The following TRIM44 variants were observed in gnomAD, a reference collection of about 807,000 sequenced individuals.
The protein encoded by TRIM44 is tripartite motif-containing protein 44.
A neutral mutation model predicts 37.4 loss-of-function variants in TRIM44; 13 were observed. The observed-to-expected ratio is 0.35, with a 90% CI of 0.23 to 0.55. The LOEUF is 0.55. Among genes scored for constraint, TRIM44 ranks in the 20% least tolerant of loss-of-function variants. The pLI is 0.89. For synonymous variants in TRIM44, 175 were observed against 157.2 expected (o/e 1.11, Z -0.85); for missense variants, 426 against 437.2 (o/e 0.97, Z 0.23).
intron 4 of TRIM44, among the ~76,000 whole-genome samples, chr11:35,757,200 G>C (rs1357800793): frequency 2.6e-5 from 4 of 152,202 alleles, no homozygotes; most frequent in African/African-American, 9.7e-5. Context: ...GGTCTATTCA[G>C]AGATTCAGCT....
intron 4 of TRIM44, among the ~76,000 whole-genome samples, chr11:35,797,939 A>G (rs1853314120): frequency 6.6e-6 from 1 of 152,246 alleles, no homozygotes; most frequent in Non-Finnish European, 1.5e-5. Flanking sequence ...CAGTCAATTT[A>G]AAAAGTTTAT....
intron 4 of TRIM44, among the ~76,000 whole-genome samples, chr11:35,755,423 G>A (rs1852623599): frequency 6.6e-6 from 1 of 152,080 alleles, no homozygotes; most frequent in Admixed American, 6.5e-5. Flanking sequence ...CAGATGAGTA[G>A]ATTGCAAAAA....
intron 2 of TRIM44, among the ~76,000 whole-genome samples, chr11:35,713,778 A>C (rs1245365667): frequency 6.6e-6 from 1 of 152,162 alleles, no homozygotes; most frequent in East Asian, 1.9e-4. Context: ...TCAGTCTACA[A>C]AGAAGAGAAA....
intron 2 of TRIM44, among the ~76,000 whole-genome samples, chr11:35,704,191 A>G (rs1042285770): frequency 3.9e-5 from 6 of 152,192 alleles, no homozygotes; most frequent in Non-Finnish European, 7.3e-5. Context: ...GAAATGAAGC[A>G]AGAAGGGAAG....
At chr11:35,751,185 A>C (rs1166632377) in intron 4 of TRIM44, among the ~76,000 whole-genome samples, 1 of 152,218 alleles carries the variant, frequency 6.6e-6, no homozygotes, top group Admixed American at 6.5e-5. Flanking sequence ...ATGCAGAACA[A>C]TTACATTTTT....
intron 4 of TRIM44, among the ~76,000 whole-genome samples, chr11:35,779,687 TC>T (rs1853033977): frequency 6.6e-6 from 1 of 152,182 alleles, no homozygotes; most frequent in African/African-American, 2.4e-5. Context: ...AAGACCGATG[TC>T]CAGGATGGTG....
chr11:35,701,789 A>G (rs1016939304), intron 2 of TRIM44, among the ~76,000 whole-genome samples: 3 of 152,120 alleles, frequency 2.0e-5, no homozygotes, highest in African/African-American at 7.2e-5. Context: ...CTTTTTTTGT[A>G]TTAACCCAAA....
At chr11:35,748,171 A>G (rs1358513315) in intron 4 of TRIM44, among the ~76,000 whole-genome samples, 1 of 151,978 alleles carries the variant, frequency 6.6e-6, no homozygotes, top group Non-Finnish European at 1.5e-5. Flanking sequence ...AAATTATACC[A>G]CTCACCCAGA....
Position 35,662,792 on chromosome 11 carries a change from C to G in TRIM44, c.-320C>G, listed in dbSNP as rs28362490. ...CGGGGGCCGGCGGCTGCCGCGATCT[C>G]TCCCTGGTAGCGGGAGGCTGAGCGG... On this transcript the variant is annotated 5_prime_UTR_variant, in exon 1 of 5. Coordinates refer to ENST00000299413, the MANE Select transcript of TRIM44 (RefSeq NM_017583.6). 3.1e-3 allele frequency: 719 copies of G among 232,334 alleles called. 22 individuals are homozygous for G. The East Asian group carries it at 0.059, about 19-fold the overall frequency. 14.4% of individuals were successfully genotyped at this position (232,334 alleles called of 1,614,324 possible). A position where few individuals can be genotyped will look rare whatever the true frequency, so the allele number is the denominator to read the frequency against.
intron 4 of TRIM44, among the ~76,000 whole-genome samples, chr11:35,742,628 TTA>T (rs1225538862): frequency 3.1e-5 from 4 of 128,928 alleles, no homozygotes; most frequent in Middle Eastern, 8.0e-3. Flanking sequence ...TAATTGTATT[TTA>T]TATATAATTA....
chr11:35,742,488 TTA>T (rs1198561182), intron 4 of TRIM44, among the ~76,000 whole-genome samples: 1 of 135,212 alleles, frequency 7.4e-6, no homozygotes, highest in East Asian at 2.0e-4. Context: ...ATTAATTGTA[TTA>T]TATATAATTA....
intron 4 of TRIM44, among the ~76,000 whole-genome samples, chr11:35,771,343 T>C (rs1405767788): frequency 6.6e-6 from 1 of 152,204 alleles, no homozygotes. Context: ...TTTGGAACTT[T>C]GAACTTGAGA....
At chr11:35,758,198 G>T (rs952360465) in intron 4 of TRIM44, among the ~76,000 whole-genome samples, 1 of 152,096 alleles carries the variant, frequency 6.6e-6, no homozygotes, top group African/African-American at 2.4e-5. Flanking sequence ...TTGGGTGCAC[G>T]TATATTTAGG....
rs1328743457 is a variant in TRIM44, at chr11:35,816,085, C to G, written c.*9700C>G. The G allele has an allele frequency of 6.6e-6, 1 of 152,180 alleles. No individual in the cohort carries two copies. The highest frequency in any genetic ancestry group is 1.5e-5 in the Non-Finnish European group (1 of 68,046). 9.4% of individuals were successfully genotyped at this position (152,180 alleles called of 1,614,324 possible). On this transcript the variant is annotated 3_prime_UTR_variant, in exon 5 of 5. Transcript: ENST00000299413. ...AAGTGATCCAAAGTTCAGGCTCCCC[C>G]TCCCTTTTATCACTCCACCCTGCCT... is the stretch of plus-strand genomic sequence containing the variant.
chr11:35,725,781 C>A (rs1410006053), intron 2 of TRIM44, 143 bp from the exon 3 acceptor site: 1 of 805,750 alleles, frequency 1.2e-6, no homozygotes, highest in Non-Finnish European at 1.9e-6. Flanking sequence ...ATTAGGGGAA[C>A]ATTGTTTTTA....
chr11:35,713,082 A>G (rs1851998137), intron 2 of TRIM44, among the ~76,000 whole-genome samples: 1 of 152,224 alleles, frequency 6.6e-6, no homozygotes, highest in South Asian at 2.1e-4. Flanking sequence ...TATAAATATA[A>G]AATTTGAGAA....
intron 2 of TRIM44, among the ~76,000 whole-genome samples, chr11:35,695,775 C>A (rs1239923128): frequency 6.6e-6 from 1 of 151,918 alleles, no homozygotes; most frequent in Non-Finnish European, 1.5e-5. Flanking sequence ...AACATAATAA[C>A]CACAGTTATG....
At chr11:35,679,412 G>A (rs1016742791) in intron 1 of TRIM44, among the ~76,000 whole-genome samples, 2 of 152,144 alleles carry the variant, frequency 1.3e-5, no homozygotes, top group African/African-American at 2.4e-5. Flanking sequence ...CAGGTAATAT[G>A]TACTCCTTTG....
chr11:35,749,014 G>A (rs1248282602), intron 4 of TRIM44, among the ~76,000 whole-genome samples: 2 of 152,140 alleles, frequency 1.3e-5, no homozygotes, highest in Non-Finnish European at 2.9e-5. Flanking sequence ...AGACTTCCCT[G>A]TATTCCTTGG....
Sources: gnomAD v4.1 joint callset for allele counts (sites outside exome capture counted in the v4.1 genomes callset) on GRCh38, gnomAD v4.1.1 for gene constraint, MANE v1.5 for transcripts, NCBI Gene and HGNC (gene_info 2026-07-23, HGNC 2026-07-21) for gene names.